The following BMPR1B variants were observed in gnomAD, a reference collection of about 807,000 sequenced individuals.
BMPR1B encodes the protein bone morphogenetic protein receptor type-1B.
BMPR1B carries 12 observed loss-of-function variants against 59.1 expected under a neutral mutation model. The observed-to-expected ratio is 0.20, with a 90% confidence interval of 0.13 to 0.33. The LOEUF (loss-of-function observed/expected upper bound fraction) is 0.33, where lower values mean the gene tolerates loss of function less well. BMPR1B is among the 10% of genes least tolerant of loss of function. BMPR1B has a pLI of 1.00. For synonymous variants in BMPR1B, 237 were observed against 207.3 expected, an observed-to-expected ratio of 1.14 and a Z score of -1.23; for missense variants, 550 against 610.9, an observed-to-expected ratio of 0.90 and a Z score of 1.05.
In BMPR1B at chr4:94,843,038, C is replaced by T. The variant is rs184088241; in HGVS notation, c.-182-32793C>T. On this transcript the variant is annotated intron_variant, in intron 1 of 12. Coordinates refer to ENST00000515059, the MANE Select transcript of BMPR1B (RefSeq NM_001203.3). ...TTCAAGTCATAATAGGACATACTCT[C>T]TGCCAGGCACTGTTTTAATGTTTAA... Among the ~76,000 whole-genome samples the T allele has an allele frequency of 4.3e-3, 656 of 152,238 alleles. 6 individuals carry two copies. The highest frequency in any genetic ancestry group is 0.015 in the African/African-American group (627 of 41,540).
At chr4:95,149,010 G>C in intron 11 of BMPR1B, 87 bp downstream of exon 11, 1 of 1,516,912 alleles carries the variant, frequency 6.6e-7, no homozygotes, top group Non-Finnish European at 9.1e-7. Context: ...TTATCATACT[G>C]TCTATAAGAT....
intron 1 of BMPR1B, among the ~76,000 whole-genome samples, chr4:94,818,828 G>A (rs1378818292): frequency 6.6e-6 from 1 of 152,078 alleles, no homozygotes; most frequent in African/African-American, 2.4e-5. Context: ...AGAATATCAA[G>A]CCTGTTTAAT....
chr4:94,961,641 T>A (rs573546530), intron 2 of BMPR1B, among the ~76,000 whole-genome samples: 12 of 152,306 alleles, frequency 7.9e-5, no homozygotes, highest in African/African-American at 2.9e-4. Flanking sequence ...GCTGTGTCAC[T>A]CCTGTAATCA....
Position 94,956,053 on chromosome 4 carries a change from C to T in BMPR1B, c.-112-39987C>T, listed in dbSNP as rs150957487. Among the ~76,000 whole-genome samples the T allele has an allele frequency of 4.1e-3, 626 of 152,252 alleles. 3 individuals are homozygous for T. Among genetic ancestry groups the T allele is most frequent in the African/African-American group, 0.014 (589 of 41,546 alleles). On this transcript the variant is annotated intron_variant, in intron 2 of 12. Coordinates refer to ENST00000515059, the MANE Select transcript of BMPR1B (RefSeq NM_001203.3). The stretch of plus-strand genomic sequence containing the variant: ...GTTGTGTTTGTGATTACAAGTTATA[C>T]TTTATTTTTTAAGTTCGCAATAAAA...
chr4:94,923,089 C>A (rs906015670), intron 2 of BMPR1B, among the ~76,000 whole-genome samples: 2 of 152,112 alleles, frequency 1.3e-5, no homozygotes, highest in Middle Eastern at 3.2e-3. Flanking sequence ...TGTAAACATG[C>A]AACATACAAT....
chr4:95,120,712 TC>T (rs1447851233), intron 6 of BMPR1B, among the ~76,000 whole-genome samples: 7 of 150,020 alleles, frequency 4.7e-5, no homozygotes, highest in African/African-American at 1.7e-4. Context: ...TCTCTCTCTC[TC>T]TCTTTCTCTC....
At chr4:94,999,937 T>A (rs1040631014) in intron 3 of BMPR1B, among the ~76,000 whole-genome samples, 12 of 152,164 alleles carry the variant, frequency 7.9e-5, no homozygotes, top group Non-Finnish European at 1.6e-4. Context: ...AGTTGACGTT[T>A]AAAAAAAGTA....
intron 3 of BMPR1B, among the ~76,000 whole-genome samples, chr4:95,042,357 A>C (rs1420518570): frequency 6.6e-6 from 1 of 152,200 alleles, no homozygotes; most frequent in East Asian, 1.9e-4. Flanking sequence ...AGATTGTAAG[A>C]GTCGCTGACA....
chr4:95,026,109 T>TCTTTCTTTCTTTCTTTTTTTCTTC (rs1724358723), intron 3 of BMPR1B, among the ~76,000 whole-genome samples: 2 of 138,176 alleles, frequency 1.4e-5, no homozygotes, highest in African/African-American at 5.7e-5. Context: ...TTTCTTTCTT[T>TCTTTCTTTCTTTCTTTTTTTCTTC]CTTTCTTTCT....
At chr4:94,920,475 G>A (rs527854612) in intron 2 of BMPR1B, among the ~76,000 whole-genome samples, 6 of 152,202 alleles carry the variant, frequency 3.9e-5, no homozygotes, top group Non-Finnish European at 5.9e-5. Context: ...TCACACAGCC[G>A]GCTACATTGG....
At chr4:94,994,691 G>A (rs1721949476) in intron 2 of BMPR1B, among the ~76,000 whole-genome samples, 1 of 140,320 alleles carries the variant, frequency 7.1e-6, no homozygotes, top group South Asian at 2.5e-4. Context: ...ATTCTTATGT[G>A]TAACTTTTTT....
chr4:95,103,702 C>T (rs185906668), intron 3 of BMPR1B, among the ~76,000 whole-genome samples: 3 of 152,118 alleles, frequency 2.0e-5, no homozygotes, highest in Admixed American at 1.3e-4. Context: ...CAGAATATCT[C>T]TTTCTAAGAG....
At chr4:94,992,174 C>T (rs1721798273) in intron 2 of BMPR1B, among the ~76,000 whole-genome samples, 1 of 152,200 alleles carries the variant, frequency 6.6e-6, no homozygotes, top group South Asian at 2.1e-4. Flanking sequence ...TTAAAAAAAC[C>T]TTTAAGTTCT....
At chr4:95,013,315 G>A (rs996834889) in intron 3 of BMPR1B, among the ~76,000 whole-genome samples, 1 of 152,102 alleles carries the variant, frequency 6.6e-6, no homozygotes. Context: ...TTCAACTGAT[G>A]TTATTTTAGA....
chr4:94,970,389 C>CA (rs1408018099), intron 2 of BMPR1B, among the ~76,000 whole-genome samples: 1 of 151,838 alleles, frequency 6.6e-6, no homozygotes, highest in African/African-American at 2.4e-5. Context: ...GATCTCGGCT[C>CA]ACTGCAACCT....
At chr4:94,856,738 C>T (rs1725771693) in intron 1 of BMPR1B, among the ~76,000 whole-genome samples, 1 of 152,142 alleles carries the variant, frequency 6.6e-6, no homozygotes, top group Non-Finnish European at 1.5e-5. Flanking sequence ...GTCATCATTA[C>T]AGAAAGGCAG....
chr4:94,877,803 G>T (rs1437487189), intron 2 of BMPR1B, among the ~76,000 whole-genome samples: 1 of 146,412 alleles, frequency 6.8e-6, no homozygotes, highest in East Asian at 1.9e-4. Flanking sequence ...ATGTATAGAA[G>T]TGTAATATTT....
rs542358697 is a variant in BMPR1B, at chr4:95,149,641, G to T, written c.1252+718G>T. Among the ~76,000 whole-genome samples, 10 of 152,230 alleles carry T rather than the reference G, an allele frequency of 6.6e-5. No individual in the cohort carries two copies. In the South Asian group the frequency reaches 8.3e-4, roughly 13 times the overall value. On this transcript the variant is annotated intron_variant, in intron 11 of 12. Transcript: ENST00000515059. Reference sequence around the variant, plus strand: ...AAGGAGCTGAATCTTTGGCTTTTCTGTATCAACTCTTCTGTATGTTATTCC... The same window carrying T: ...AAGGAGCTGAATCTTTGGCTTTTCTTTATCAACTCTTCTGTATGTTATTCC...
intron 10 of BMPR1B, among the ~76,000 whole-genome samples, chr4:95,136,868 G>T (rs1485454227): frequency 6.6e-6 from 1 of 152,014 alleles, no homozygotes; most frequent in Non-Finnish European, 1.5e-5. Flanking sequence ...CCAACTCCTG[G>T]ATTCATTGAT....
Sources: allele counts gnomAD v4.1 joint callset (sites outside exome capture counted in the v4.1 genomes callset), GRCh38; gene constraint gnomAD v4.1.1; transcripts MANE v1.5; gene names NCBI Gene and HGNC (gene_info 2026-07-23, HGNC 2026-07-21).